Variants in KIZ observed in about 807,000 individuals in gnomAD.
The protein encoded by KIZ is kizuna centrosomal protein.
A neutral mutation model predicts 79.6 loss-of-function variants in KIZ; 68 were observed. That is an observed-to-expected ratio of 0.85 (90% CI 0.70 to 1.05). KIZ has a LOEUF of 1.05. Among genes scored for constraint, KIZ ranks in the 50% least tolerant of loss-of-function variants. The pLI is 0.00. For synonymous variants in KIZ, 280 were observed against 281.8 expected (o/e 0.99, Z 0.06); for missense variants, 797 against 800.4 (o/e 1.00, Z 0.05).
chr20:21,162,976 A>G lies in KIZ; in HGVS notation c.1169A>G (p.Glu390Gly). ...ATAAGTGAAGATGATCTGATTTTAG[A>G]GAGCCCAGAACCACAGCCAAATCCA... ...ISISEDDLILESPEPQPNPGG... is the reference protein window; with the variant it reads ...ISISEDDLILGSPEPQPNPGG... Residue 390 changes from glutamate to glycine, a missense_variant, in exon 6 of 13, where the codon GAG becomes GGG. By Grantham distance (98) the Glu-to-Gly change is moderately conservative. Transcript: ENST00000619189. 1 of 1,613,906 alleles carries G rather than the reference A, an allele frequency of 6.2e-7. No homozygotes were observed. Among genetic ancestry groups the G allele is most frequent in the Non-Finnish European group, 8.5e-7 (1 of 1,179,830 alleles).
chr20:21,141,441 G>GTAGCAAAAAAAGATAGTGGTGGCA (rs2032521936), intron 3 of KIZ, among the ~76,000 whole-genome samples: 3 of 152,160 alleles, frequency 2.0e-5, no homozygotes, highest in African/African-American at 7.2e-5. Flanking sequence ...ATTGAGGACT[G>GTAGCAAAAAAAGATAGTGGTGGCA]CTGAGCAAGG....
intron 10 of KIZ, among the ~76,000 whole-genome samples, chr20:21,231,984 T>C (rs1320677914): frequency 1.3e-5 from 2 of 152,138 alleles, no homozygotes; most frequent in Admixed American, 6.5e-5. Flanking sequence ...TGCTGCAGAG[T>C]GTACATGCAA....
At chr20:21,218,286 C>T (rs1600575151) in intron 9 of KIZ, 1 of 152,130 alleles carries the variant, frequency 6.6e-6, no homozygotes, top group Admixed American at 6.5e-5. Context: ...GCCCAGACAT[C>T]TCTGTCTCGG....
chr20:21,214,823 A>T, intron 8 of KIZ, 123 bp downstream of exon 8: 1 of 543,864 alleles, frequency 1.8e-6, no homozygotes, highest in East Asian at 2.8e-5. Context: ...TATGCATAAT[A>T]TAGTATTTGT....
intron 3 of KIZ, among the ~76,000 whole-genome samples, chr20:21,143,731 G>T (rs2032698073): frequency 6.6e-6 from 1 of 152,142 alleles, no homozygotes; most frequent in African/African-American, 2.4e-5. Flanking sequence ...GGGAGATAAG[G>T]GAATTATTTA....
intron 12 of KIZ, 194 bp from the exon 13 acceptor site, chr20:21,246,285 C>G (rs2037383608): frequency 1.7e-6 from 1 of 589,182 alleles, no homozygotes; most frequent in Non-Finnish European, 3.0e-6. Context: ...GTGCAGAGGA[C>G]ACACTTTGCA....
intron 1 of KIZ, among the ~76,000 whole-genome samples, chr20:21,127,732 G>T (rs1202658560): frequency 1.3e-5 from 2 of 152,162 alleles, no homozygotes; most frequent in East Asian, 1.9e-4. Context: ...TACAGAAAAG[G>T]CTGCAGTAGA....
chr20:21,170,038 C>T (rs1238380757), intron 6 of KIZ, among the ~76,000 whole-genome samples: 1 of 152,064 alleles, frequency 6.6e-6, no homozygotes, highest in African/African-American at 2.4e-5. Flanking sequence ...TATCTCTGTG[C>T]AGGTTTTTGT....
At chr20:21,188,676 T>TTTTAGTTATTTA (rs1555882087) in intron 6 of KIZ, among the ~76,000 whole-genome samples, 2 of 141,834 alleles carry the variant, frequency 1.4e-5, no homozygotes, top group Non-Finnish European at 3.0e-5. Flanking sequence ...TTGCATTTTA[T>TTTTAGTTATTTA]TTTATTTATT....
chr20:21,215,766 A>G (rs1568985966), intron 9 of KIZ, 118 bp downstream of exon 9: 6 of 578,110 alleles, frequency 1.0e-5, no homozygotes, highest in South Asian at 6.9e-5. Flanking sequence ...CAGCTACTGC[A>G]TGCTGGAGCA....
intron 6 of KIZ, among the ~76,000 whole-genome samples, chr20:21,165,169 C>T (rs6035794): frequency 2.6e-5 from 4 of 152,266 alleles, no homozygotes; most frequent in African/African-American, 9.6e-5. Context: ...AGAAAAATCA[C>T]TTGAATGAAT....
rs574043873 is a variant in KIZ at position 21,215,901 on chromosome 20, T to C, written c.1678+253T>C. On this transcript the variant is annotated intron_variant, in intron 9 of 12. Coordinates refer to ENST00000619189, the MANE Select transcript of KIZ (RefSeq NM_018474.6). The stretch of plus-strand genomic sequence containing the variant: ...TTTACACCTGTAACATCCTCCATCA[T>C]GTGCCCTTTCAGCACCTGCGTCTCT... Among the ~76,000 whole-genome samples the C allele has an allele frequency of 9.6e-4, 146 of 152,360 alleles. 1 individual carries two copies. The highest frequency in any genetic ancestry group is 3.3e-3 in the African/African-American group (138 of 41,580).
At chr20:21,208,048 G>T (rs1047796450) in intron 7 of KIZ, among the ~76,000 whole-genome samples, 1 of 151,980 alleles carries the variant, frequency 6.6e-6, no homozygotes, top group African/African-American at 2.4e-5. Flanking sequence ...ATACTGTTTG[G>T]GTTTTATTGT....
At chr20:21,178,427 G>A (rs760978740) in intron 6 of KIZ, among the ~76,000 whole-genome samples, 1 of 151,318 alleles carries the variant, frequency 6.6e-6, no homozygotes, top group Non-Finnish European at 1.5e-5. Context: ...TGTTGATTTT[G>A]TATCCTACAA....
At chr20:21,197,290 C>G (rs1465131842) in intron 6 of KIZ, 1 of 152,184 alleles carries the variant, frequency 6.6e-6, no homozygotes, top group Non-Finnish European at 1.5e-5. Flanking sequence ...AAAGATAAAT[C>G]CCTCTTTCCA....
At chr20:21,134,071 T>C (rs777508373) in intron 2 of KIZ, among the ~76,000 whole-genome samples, 6 of 152,148 alleles carry the variant, frequency 3.9e-5, no homozygotes, top group Admixed American at 6.6e-5. Flanking sequence ...GCTCTCAGGT[T>C]ATACCACATG....
At chr20:21,142,681 A>G (rs374188524) in intron 3 of KIZ, among the ~76,000 whole-genome samples, 32 of 152,094 alleles carry the variant, frequency 2.1e-4, no homozygotes, top group African/African-American at 6.8e-4. Context: ...AGTCCCAGCT[A>G]TTTGCGAGGC....
At position 21,162,357 on chromosome 20, in the gene KIZ, G is replaced by A. The variant is rs191064527; in HGVS notation, c.892G>A (p.Gly298Arg). The change falls in exon 5 of 13, where the codon GGA (glycine) becomes AGA (arginine). Residue 298 changes from glycine (G) to arginine (R), a missense_variant. Physicochemically the swap from Gly to Arg is moderately radical, Grantham distance 125 (BLOSUM62 -2). Coordinates refer to ENST00000619189, the MANE Select transcript of KIZ (RefSeq NM_018474.6). ...TTDLKCDSSS[G>R]SEGEILTREH... is the part of the protein sequence containing the mutation. ...TGATTTAAAGTGTGACAGTTCCAGC[G>A]GATCAGAGGGAGAAATACTGACACG... 1,253 of 1,613,884 alleles carry A rather than the reference G, an allele frequency of 7.8e-4. 1 individual carries two copies. The highest frequency in any genetic ancestry group is 7.3e-3 in the East Asian group (326 of 44,870).
intron 4 of KIZ, among the ~76,000 whole-genome samples, chr20:21,153,315 G>C (rs773922301): frequency 3.3e-5 from 5 of 152,110 alleles, no homozygotes; most frequent in African/African-American, 4.8e-5. Context: ...AGGTTGGTGT[G>C]GGGGTAGGGA....
Sources: gnomAD v4.1 joint callset for allele counts (sites outside exome capture counted in the v4.1 genomes callset) on GRCh38, gnomAD v4.1.1 for gene constraint, MANE v1.5 for transcripts, NCBI Gene and HGNC (gene_info 2026-07-23, HGNC 2026-07-21) for gene names.